Variants in DNAJC6 observed in about 807,000 individuals in gnomAD.
DNAJC6 encodes the protein DnaJ heat shock protein family (Hsp40) member C6.
In DNAJC6, 34 loss-of-function variants were observed where a neutral mutation model predicts 110.0. The ratio of observed to expected loss-of-function variants is 0.31; its 90% CI spans 0.24 to 0.41. The LOEUF (loss-of-function observed/expected upper bound fraction) is 0.41, where lower values mean the gene tolerates loss of function less well. Ranked by LOEUF, DNAJC6 falls within the 10% of genes least tolerant of loss-of-function variation. The pLI, the probability that DNAJC6 is intolerant of heterozygous loss-of-function variation, is 1.00. For synonymous variants in DNAJC6, 406 were observed against 437.2 expected (o/e 0.93, Z 0.89); for missense variants, 1,031 against 1,207.8 (o/e 0.85, Z 2.17).
At chr1:65,297,475 C>T (rs1005905332) in intron 1 of DNAJC6, among the ~76,000 whole-genome samples, 6 of 152,130 alleles carry the variant, frequency 3.9e-5, no homozygotes, top group Admixed American at 2.0e-4. Context: ...TTTAGTAGTC[C>T]ATACATTTCT....
intron 1 of DNAJC6, among the ~76,000 whole-genome samples, chr1:65,339,166 G>A (rs1645365248): frequency 6.6e-6 from 1 of 152,096 alleles, no homozygotes; most frequent in African/African-American, 2.4e-5. Flanking sequence ...AAATAGGCCA[G>A]GTGTAATGTT....
chr1:65,338,612 T>C (rs964337964), intron 1 of DNAJC6, among the ~76,000 whole-genome samples: 24 of 152,222 alleles, frequency 1.6e-4, no homozygotes, highest in African/African-American at 3.9e-4. Flanking sequence ...AAACAGCTTC[T>C]GTCCCTGCCC....
chr1:65,266,600 G>A (rs530966187), intron 1 of DNAJC6, among the ~76,000 whole-genome samples: 2 of 152,296 alleles, frequency 1.3e-5, no homozygotes, highest in African/African-American at 4.8e-5. Context: ...GGTATTACCT[G>A]TGTGTGAAAT....
In DNAJC6 at chr1:65,311,417, G is replaced by T. The variant is rs919054324; in HGVS notation, c.193+1479G>T. ...TTTTTGTACTTTTAGTAGAGACGGGGTTTTGCCATGTTGGCCGGGCTGGTC... is the reference window on the plus strand; with the variant it reads ...TTTTTGTACTTTTAGTAGAGACGGGTTTTTGCCATGTTGGCCGGGCTGGTC... On this transcript the variant is annotated intron_variant, in intron 1 of 18. Coordinates refer to ENST00000371069, the MANE Select transcript of DNAJC6 (RefSeq NM_001256864.2). Among the ~76,000 whole-genome samples the T allele has an allele frequency of 4.1e-4, 62 of 151,968 alleles. 1 individual carries two copies. The highest frequency in any genetic ancestry group is 1.8e-4 in the Non-Finnish European group (12 of 67,990).
At chr1:65,349,641 G>A (rs1295207152) in intron 1 of DNAJC6, among the ~76,000 whole-genome samples, 1 of 151,702 alleles carries the variant, frequency 6.6e-6, no homozygotes, top group Non-Finnish European at 1.5e-5. Context: ...ATTATTTTTT[G>A]ACCTCCATTG....
intron 1 of DNAJC6, among the ~76,000 whole-genome samples, chr1:65,295,753 A>C (rs1460214579): frequency 6.6e-6 from 1 of 152,208 alleles, no homozygotes; most frequent in African/African-American, 2.4e-5. Context: ...AGAAAGTTCT[A>C]GTAAATGGGG....
rs562416342 is a variant in DNAJC6 at position 65,361,831 on chromosome 1, CAT to C, written c.194-2803_194-2802del. 2.5e-4 allele frequency among the ~76,000 whole-genome samples: 38 copies of C among 152,262 alleles called. 1 individual carries two copies. The East Asian group carries it at 6.9e-3, about 28-fold the overall frequency. ...AGAGTCTTATGTATGTTATCAAAGTCATGTGTTCCTCACTGTGTTGCTTATTA... is the reference window on the plus strand; with the variant it reads ...AGAGTCTTATGTATGTTATCAAAGTCGTGTTCCTCACTGTGTTGCTTATTA... On this transcript the variant is annotated intron_variant, in intron 1 of 18. Transcript: ENST00000371069.
intron 1 of DNAJC6, among the ~76,000 whole-genome samples, chr1:65,276,316 C>T (rs930640364): frequency 5.9e-5 from 9 of 152,184 alleles, no homozygotes; most frequent in Non-Finnish European, 1.3e-4. Flanking sequence ...TTTATCTCTT[C>T]TGTTTTTCTT....
At chr1:65,317,779 C>T (rs1045235319) in intron 1 of DNAJC6, among the ~76,000 whole-genome samples, 2 of 152,018 alleles carry the variant, frequency 1.3e-5, no homozygotes, top group South Asian at 4.2e-4. Context: ...TGACAAAAGT[C>T]AGGGTGAATA....
Position 65,364,777 on chromosome 1 carries a change from T to C in DNAJC6, c.336T>C (p.Ser112=). Residue 112 remains serine, a synonymous_variant, in exon 2 of 19, where the codon TCT becomes TCC. Coordinates refer to ENST00000371069, the MANE Select transcript of DNAJC6 (RefSeq NM_001256864.2). ...ACACATCTTCTAGAGTGATACAATCTGTGACCAGGTACGCACATTCTTCCC... is the reference window on the plus strand; with the variant it reads ...ACACATCTTCTAGAGTGATACAATCCGTGACCAGGTACGCACATTCTTCCC... ...LKDTSSRVIQ[S]VTSYTKGDLD... is the part of the protein sequence containing the mutation. The C allele has an allele frequency of 1.2e-6, 2 of 1,612,852 alleles. No individual in the cohort carries two copies. Among genetic ancestry groups the C allele is most frequent in the African/African-American group, 1.3e-5 (1 of 74,984 alleles).
At chr1:65,281,413 C>T (rs1225529412) in intron 1 of DNAJC6, among the ~76,000 whole-genome samples, 1 of 152,082 alleles carries the variant, frequency 6.6e-6, no homozygotes, top group Non-Finnish European at 1.5e-5. Context: ...CATTAATAGT[C>T]GCTCCCCTTT....
intron 1 of DNAJC6, among the ~76,000 whole-genome samples, chr1:65,328,286 A>C (rs1217555161): frequency 6.6e-6 from 1 of 152,224 alleles, no homozygotes; most frequent in Non-Finnish European, 1.5e-5. Context: ...ATATTTCATA[A>C]CTACAGTTTT....
intron 1 of DNAJC6, among the ~76,000 whole-genome samples, chr1:65,296,581 C>G (rs1291912563): frequency 7.0e-6 from 1 of 141,894 alleles, no homozygotes; most frequent in Admixed American, 7.7e-5. Context: ...ATTCATTCGA[C>G]ACATCTTTTT....
At chr1:65,362,130 A>G (rs528803391) in intron 1 of DNAJC6, among the ~76,000 whole-genome samples, 2 of 48,398 alleles carry the variant, frequency 4.1e-5, no homozygotes, top group South Asian at 1.2e-3. Flanking sequence ...ATATTAGGAG[A>G]AGAAAGTGGG....
At chr1:65,329,246 A>C (rs1464840918) in intron 1 of DNAJC6, among the ~76,000 whole-genome samples, 2 of 152,088 alleles carry the variant, frequency 1.3e-5, no homozygotes, top group East Asian at 3.9e-4. Flanking sequence ...TGATGGTTCC[A>C]CCAGGATGAC....
chr1:65,406,502 A>G (rs1570384992), intron 16 of DNAJC6, among the ~76,000 whole-genome samples: 1 of 152,310 alleles, frequency 6.6e-6, no homozygotes, highest in Admixed American at 6.5e-5. Context: ...ATATGAGTGG[A>G]GAGGTAGATG....
chr1:65,293,164 T>G (rs1644896060), intron 1 of DNAJC6, among the ~76,000 whole-genome samples: 1 of 152,200 alleles, frequency 6.6e-6, no homozygotes, highest in Admixed American at 6.5e-5. Context: ...CACTTATATC[T>G]CACCATTCTG....
At chr1:65,380,736 T>A (rs935599468) in intron 5 of DNAJC6, among the ~76,000 whole-genome samples, 1 of 151,678 alleles carries the variant, frequency 6.6e-6, no homozygotes, top group African/African-American at 2.4e-5. Context: ...TGATTCTTCA[T>A]AAAGAATAAA....
rs776628201 is a variant in DNAJC6, at chr1:65,366,096, T to C, written c.443T>C (p.Val148Ala). The change falls in exon 4 of 19, where the codon GTT becomes GCT. Residue 148 changes from valine to alanine, a missense_variant. By Grantham distance (64) the Val-to-Ala change is moderately conservative. Coordinates refer to ENST00000371069, the MANE Select transcript of DNAJC6 (RefSeq NM_001256864.2). The part of the protein sequence containing the change: ...DNVDIGFRNQ[V>A]DDIRSFLDSR... The stretch of plus-strand genomic sequence containing the variant: ...GTTGACATAGGATTCAGGAATCAGG[T>C]TGATGACATTCGAAGCTTTTTGGAT... 6 of 1,613,806 alleles carry C rather than the reference T, an allele frequency of 3.7e-6. No homozygotes were observed. The highest frequency in any genetic ancestry group is 1.7e-5 in the Admixed American group (1 of 59,980).
Sources: allele counts gnomAD v4.1 joint callset (sites outside exome capture counted in the v4.1 genomes callset), GRCh38; gene constraint gnomAD v4.1.1; transcripts MANE v1.5; gene names NCBI Gene and HGNC (gene_info 2026-07-23, HGNC 2026-07-21).